Variants in KLHL14 observed in about 807,000 individuals in gnomAD.
KLHL14 encodes kelch like family member 14, also known as kelch-like protein 14.
KLHL14 carries 22 observed loss-of-function variants against 64.3 expected under a neutral mutation model. The ratio of observed to expected loss-of-function variants is 0.34; its 90% confidence interval spans 0.24 to 0.49. The LOEUF is 0.49. Ranked by LOEUF, KLHL14 falls within the 20% of genes least tolerant of loss-of-function variation. The pLI is 0.99. For synonymous variants in KLHL14, 322 were observed against 333.4 expected (o/e 0.97, Z 0.37); for missense variants, 661 against 789.0 (o/e 0.84, Z 1.94).
chr18:32,695,563 GAA>G lies in KLHL14; in HGVS notation c.1070-13_1070-12del, dbSNP rs371920534. On this transcript the variant is annotated splice_polypyrimidine_tract_variant and intron_variant, in intron 3 of 8. Transcript: ENST00000359358. The stretch of plus-strand genomic sequence containing the variant: ...TGTTGTATGGCATAACTGAAATTAA[GAA>G]AAAAAAAAAAGACATATGAAATTTT... The G allele has an allele frequency of 6.4e-4, 768 of 1,207,442 alleles. 2 individuals carry two copies. In the Middle Eastern group the frequency reaches 6.6e-3, roughly 10 times the overall value. 74.8% of individuals were successfully genotyped at this position (1,207,442 alleles called of 1,614,324 possible).
At position 32,733,041 on chromosome 18, in the gene KLHL14, G is replaced by T. The variant is rs9807587; in HGVS notation, c.1069+8887C>A. ...AAAGAGATGATCTCAGAAAAAGCTG[G>T]CCCATTTATGAGCAGTATTGAAAGG... On this transcript the variant is annotated intron_variant, in intron 3 of 8. Transcript: ENST00000359358. Among the ~76,000 whole-genome samples, 802 of 152,234 alleles carry T rather than the reference G, an allele frequency of 5.3e-3. 6 individuals carry two copies. The highest frequency in any genetic ancestry group is 0.018 in the African/African-American group (759 of 41,528).
intron 2 of KLHL14, among the ~76,000 whole-genome samples, chr18:32,753,053 G>GA (rs2050264629): frequency 6.6e-6 from 1 of 151,010 alleles, no homozygotes; most frequent in South Asian, 2.1e-4. Flanking sequence ...TGAGAACCAT[G>GA]GTTCTAAGCA....
At position 32,770,292 on chromosome 18, in the gene KLHL14, C is replaced by T. The variant is rs201954195; in HGVS notation, c.300G>A (p.Pro100=). 1.0e-5 allele frequency: 16 copies of T among 1,586,578 alleles called. No homozygotes were observed. The highest frequency in any genetic ancestry group is 1.4e-5 in the Non-Finnish European group (16 of 1,166,084). The change falls in exon 2 of 9, where the codon CCG becomes CCA. Residue 100 remains proline (P), a synonymous_variant. Coordinates refer to ENST00000359358, the MANE Select transcript of KLHL14 (RefSeq NM_020805.3). This position sits in a 1 kb window ranked among gnomAD's most constrained non-coding sequence, Gnocchi z 6.7. ...QQPSQQQQPP[P]QEEPGTPSSS... ...AAGAAGGAGTCCCGGGCTCCTCCTG[C>T]GGCGGCGGCTGCTGCTGCTGTGACG... is the stretch of plus-strand genomic sequence containing the variant.
intron 3 of KLHL14, among the ~76,000 whole-genome samples, chr18:32,731,808 A>G (rs1433980293): frequency 2.0e-5 from 3 of 152,130 alleles, no homozygotes; most frequent in African/African-American, 7.2e-5. Context: ...TACTAGAAAC[A>G]AGGACAATTG....
intron 2 of KLHL14, among the ~76,000 whole-genome samples, chr18:32,769,073 T>C (rs953902294): frequency 1.3e-5 from 2 of 152,196 alleles, no homozygotes; most frequent in African/African-American, 2.4e-5. Flanking sequence ...GTGACCCTAA[T>C]AGACAAAGCA....
chr18:32,687,468 C>T (rs1277557800), intron 4 of KLHL14, among the ~76,000 whole-genome samples: 1 of 152,130 alleles, frequency 6.6e-6, no homozygotes, highest in Non-Finnish European at 1.5e-5. Context: ...TTAGGAAAAA[C>T]TAAATCAACC....
chr18:32,708,384 A>T (rs1598557804), intron 3 of KLHL14, among the ~76,000 whole-genome samples: 4 of 152,146 alleles, frequency 2.6e-5, no homozygotes, highest in Admixed American at 2.0e-4. Flanking sequence ...ATGTGAGGCC[A>T]TTTGAAAGGA....
intron 3 of KLHL14, among the ~76,000 whole-genome samples, chr18:32,735,942 G>T (rs1284273802): frequency 1.3e-5 from 2 of 152,152 alleles, no homozygotes; most frequent in Non-Finnish European, 2.9e-5. Context: ...TACATTCAAT[G>T]ATTTGCCAGA....
chr18:32,689,067 C>T (rs993374186), intron 4 of KLHL14, among the ~76,000 whole-genome samples: 1 of 152,084 alleles, frequency 6.6e-6, no homozygotes, highest in African/African-American at 2.4e-5. Flanking sequence ...ATGCAATTTG[C>T]TGAGGTGGGG....
At chr18:32,756,028 G>C (rs1461784390) in intron 2 of KLHL14, among the ~76,000 whole-genome samples, 1 of 152,144 alleles carries the variant, frequency 6.6e-6, no homozygotes. Context: ...CTTAAACGTG[G>C]CTTTGTTACG....
chr18:32,695,877 T>C (rs1417142599), intron 3 of KLHL14, among the ~76,000 whole-genome samples: 3 of 152,168 alleles, frequency 2.0e-5, no homozygotes, highest in African/African-American at 7.2e-5. Flanking sequence ...GATAGTGATC[T>C]GAATGACTGA....
In KLHL14 at chr18:32,769,834, C is replaced by T. The variant is rs769324291; in HGVS notation, c.758G>A (p.Arg253His). The T allele has an allele frequency of 5.0e-6, 8 of 1,613,658 alleles. No homozygotes were observed. In the Admixed American group the frequency reaches 1.2e-4, roughly 24 times the overall value. The change falls in exon 2 of 9, where the codon CGC becomes CAC. Residue 253 changes from arginine to histidine, a missense_variant. Transcript: ENST00000359358. ...VLWLEHDRET[R>H]MQYAPDLMKR... ...CATGAGGTCAGGCGCATACTGCATG[C>T]GGGTCTCGCGGTCGTGCTCCAGCCA...
Position 32,680,733 on chromosome 18 carries a change from A to C in KLHL14, c.1239-134T>G, listed in dbSNP as rs1438817605. ...TCAGAAAGGGTTGCAAATCTTTAAA[A>C]ATTACACGTATACCTTATAATTCTG... On this transcript the variant is annotated intron_variant, in intron 5 of 8. Coordinates refer to ENST00000359358, the MANE Select transcript of KLHL14 (RefSeq NM_020805.3). The surrounding 1 kb of genome is among the most constrained non-coding windows in gnomAD (Gnocchi z 4.8). The C allele has an allele frequency of 2.7e-6, 2 of 751,242 alleles. No homozygotes were observed. Among genetic ancestry groups the C allele is most frequent in the South Asian group, 1.8e-5 (1 of 54,640 alleles). 46.5% of individuals were successfully genotyped at this position (751,242 alleles called of 1,614,324 possible).
At chr18:32,738,350 C>T (rs1185978591) in intron 3 of KLHL14, 1 of 152,162 alleles carries the variant, frequency 6.6e-6, no homozygotes, top group African/African-American at 2.4e-5. Context: ...TTCATGTCTC[C>T]TGTACTGCTT....
chr18:32,712,553 T>A (rs34617273), intron 3 of KLHL14, among the ~76,000 whole-genome samples: 3,536 of 152,298 alleles, frequency 0.023, 84 homozygotes, highest in Admixed American at 0.054. Flanking sequence ...AATTTTCCCC[T>A]CTTTATGAGA....
chr18:32,741,901 GAATA>G (rs766221859), intron 3 of KLHL14, 23 bp downstream of exon 3: 43 of 1,536,236 alleles, frequency 2.8e-5, no homozygotes, highest in Admixed American at 1.9e-4. Flanking sequence ...ATAGGTGAGT[GAATA>G]AATAAATAAA....
chr18:32,756,220 T>C (rs2050280675), intron 2 of KLHL14, among the ~76,000 whole-genome samples: 1 of 152,178 alleles, frequency 6.6e-6, no homozygotes, highest in African/African-American at 2.4e-5. Flanking sequence ...TTCCTCTGCA[T>C]GTAAGCACAG....
At chr18:32,739,490 C>G (rs748128109) in intron 3 of KLHL14, among the ~76,000 whole-genome samples, 1 of 151,806 alleles carries the variant, frequency 6.6e-6, no homozygotes, top group African/African-American at 2.4e-5. Flanking sequence ...TAGTCATAGT[C>G]TAGCAGGTAA....
chr18:32,694,739 T>C (rs930876282), intron 4 of KLHL14, among the ~76,000 whole-genome samples: 2 of 152,208 alleles, frequency 1.3e-5, no homozygotes, highest in African/African-American at 4.8e-5. Context: ...AGCTGTTTTA[T>C]GGTTTCTCAG....
Sources: allele counts gnomAD v4.1 joint callset (sites outside exome capture counted in the v4.1 genomes callset), GRCh38; gene constraint gnomAD v4.1.1; non-coding constraint Gnocchi (gnomAD v3.1); transcripts MANE v1.5; gene names NCBI Gene and HGNC (gene_info 2026-07-23, HGNC 2026-07-21).